HS6ST2: variants seen among roughly 807,000 people sequenced by gnomAD.
The protein encoded by HS6ST2 is heparan sulfate 6-O-sulfotransferase 2.
In HS6ST2, 17 loss-of-function variants were observed where a neutral mutation model predicts 33.0. The ratio of observed to expected loss-of-function variants is 0.52; its 90% CI spans 0.35 to 0.77. HS6ST2 has a LOEUF of 0.77. Ranked by LOEUF, HS6ST2 falls within the 30% of genes least tolerant of loss-of-function variation. HS6ST2 has a pLI of 0.01. For missense variants in HS6ST2, 519 were observed against 551.7 expected, an observed-to-expected ratio of 0.94 and a Z score of 0.59; for synonymous variants, 248 against 237.1, an observed-to-expected ratio of 1.05 and a Z score of -0.42.
intron 2 of HS6ST2, among the ~76,000 whole-genome samples, chrX:132,805,308 T>C (rs1350413432): frequency 9.0e-6 from 1 of 111,631 alleles, no homozygotes; most frequent in Non-Finnish European, 1.9e-5. Flanking sequence ...AGTACATCTC[T>C]CCTTAAGACC....
chrX:132,842,116 A>G (rs2065712642), intron 2 of HS6ST2, among the ~76,000 whole-genome samples: 1 of 111,885 alleles, frequency 8.9e-6, no homozygotes, highest in Non-Finnish European at 1.9e-5. Flanking sequence ...CGGTCACTAC[A>G]TCAGCTAGTT....
chrX:132,864,055 C>T (rs1476959961), intron 2 of HS6ST2, among the ~76,000 whole-genome samples: 1 of 110,833 alleles, frequency 9.0e-6, no homozygotes, highest in Non-Finnish European at 1.9e-5. Flanking sequence ...ATAGCATCAA[C>T]ATCAACAAAA....
At chrX:132,722,187 C>CAAAAAA (rs1217492848) in intron 2 of HS6ST2, among the ~76,000 whole-genome samples, 10 of 44,270 alleles carry the variant, frequency 2.3e-4, no homozygotes, top group East Asian at 7.3e-4. Context: ...GACTCCGTCT[C>CAAAAAA]AAAAAAAAAA....
intron 4 of HS6ST2, among the ~76,000 whole-genome samples, chrX:132,659,859 G>A (rs1206069922): frequency 8.9e-6 from 1 of 111,874 alleles, no homozygotes; most frequent in African/African-American, 3.2e-5. Flanking sequence ...ATCTCGCACA[G>A]TGTTGGACAC....
chrX:132,737,365 T>A (rs1449616790), intron 2 of HS6ST2, among the ~76,000 whole-genome samples: 2 of 111,778 alleles, frequency 1.8e-5, no homozygotes, highest in Non-Finnish European at 3.8e-5. Context: ...TGGGAAGGGA[T>A]GTGCACTGCT....
intron 2 of HS6ST2, among the ~76,000 whole-genome samples, chrX:132,856,492 G>A (rs917990371): frequency 9.0e-6 from 1 of 111,628 alleles, no homozygotes; most frequent in Non-Finnish European, 1.9e-5. Context: ...ATGATCACTG[G>A]ATTGCAAACA....
At chrX:132,916,550 C>T (rs188590818) in intron 2 of HS6ST2, among the ~76,000 whole-genome samples, 160 of 111,902 alleles carry the variant, frequency 1.4e-3, no homozygotes, top group African/African-American at 4.9e-3. Context: ...TGGGTAGACC[C>T]ACCCTCAATC....
intron 2 of HS6ST2, among the ~76,000 whole-genome samples, chrX:132,855,705 C>A (rs1017862978): frequency 8.9e-6 from 1 of 112,124 alleles, no homozygotes; most frequent in African/African-American, 3.2e-5. Flanking sequence ...TGTGTTTAAT[C>A]CTCTACTCCC....
rs7883299 is a variant in HS6ST2 at position 132,679,134 on chromosome X, G to A, written c.981-9935C>T. Among the ~76,000 whole-genome samples the A allele has an allele frequency of 5.0e-3, 566 of 112,339 alleles. 3 individuals are homozygous for A. Among genetic ancestry groups the A allele is most frequent in the African/African-American group, 0.017 (530 of 30,918 alleles). On this transcript the variant is annotated intron_variant, in intron 3 of 4. Coordinates refer to ENST00000370833, the MANE Select transcript of HS6ST2 (RefSeq NM_001394073.1). Reference sequence around the variant, plus strand: ...TAGCAGACAGGGCCATAGCCACCACGGAGTACAGAACAAGGCCAGAAGGTG... The same window carrying A: ...TAGCAGACAGGGCCATAGCCACCACAGAGTACAGAACAAGGCCAGAAGGTG...
intron 2 of HS6ST2, among the ~76,000 whole-genome samples, chrX:132,730,494 T>C (rs756336718): frequency 1.1e-4 from 12 of 112,306 alleles, no homozygotes; most frequent in Non-Finnish European, 2.1e-4. Context: ...CGAGAACATC[T>C]TGATAAGCAG....
Position 132,912,051 on chromosome X carries a change from C to T in HS6ST2, c.947+44757G>A, listed in dbSNP as rs774558530. ...GAATCAGACAAACACTGGCTACTGC[C>T]GCTCACTAGTGTAGCCTGGGGCAAA... On this transcript the variant is annotated intron_variant, in intron 2 of 4. Coordinates refer to ENST00000370833, the MANE Select transcript of HS6ST2 (RefSeq NM_001394073.1). Among the ~76,000 whole-genome samples, 5 of 112,358 alleles carry T rather than the reference C, an allele frequency of 4.5e-5. No homozygotes were observed. The East Asian group carries it at 8.4e-4, about 19-fold the overall frequency.
intron 2 of HS6ST2, among the ~76,000 whole-genome samples, chrX:132,737,805 C>T (rs2064523403): frequency 8.9e-6 from 1 of 112,438 alleles, no homozygotes; most frequent in African/African-American, 3.2e-5. Context: ...CAGGCAAGTG[C>T]CCGCTGCAGC....
chrX:132,889,074 C>G (rs1229255810), intron 2 of HS6ST2, among the ~76,000 whole-genome samples: 1 of 110,657 alleles, frequency 9.0e-6, no homozygotes, highest in Non-Finnish European at 1.9e-5. Context: ...ATTTCAGCGT[C>G]TAAGTCTCAT....
At chrX:132,754,517 C>T (rs5977745) in intron 2 of HS6ST2, among the ~76,000 whole-genome samples, 1,565 of 108,062 alleles carry the variant, frequency 0.014, 38 homozygotes, top group African/African-American at 0.051. Flanking sequence ...CCCTGGTTCA[C>T]GCCATTCTCC....
At chrX:132,881,447 A>G (rs1309228740) in intron 2 of HS6ST2, among the ~76,000 whole-genome samples, 2 of 106,249 alleles carry the variant, frequency 1.9e-5, no homozygotes, top group Non-Finnish European at 1.9e-5. Context: ...GTCTGTTCAT[A>G]TACTTTGCCT....
chrX:132,747,587 T>C (rs1228737019), intron 2 of HS6ST2, among the ~76,000 whole-genome samples: 3 of 110,433 alleles, frequency 2.7e-5, no homozygotes, highest in African/African-American at 6.6e-5. Flanking sequence ...CTTGGCTCTA[T>C]CTCCATGGCT....
intron 2 of HS6ST2, among the ~76,000 whole-genome samples, chrX:132,748,253 ATTTC>A (rs2064666247): frequency 9.0e-6 from 1 of 111,502 alleles, no homozygotes; most frequent in Non-Finnish European, 1.9e-5. Flanking sequence ...GGACCCTTTG[ATTTC>A]TTTCTTTCTT....
At chrX:132,750,295 T>C (rs1175058984) in intron 2 of HS6ST2, among the ~76,000 whole-genome samples, 1 of 107,406 alleles carries the variant, frequency 9.3e-6, no homozygotes, top group Non-Finnish European at 1.9e-5. Context: ...TGACTTGAAT[T>C]TTTGGAGGAA....
chrX:132,898,381 T>TTTTATA (rs368130066), intron 2 of HS6ST2, among the ~76,000 whole-genome samples: 16 of 89,199 alleles, frequency 1.8e-4, no homozygotes, highest in Non-Finnish European at 3.1e-4. Context: ...CAACATAAGG[T>TTTTATA]TATATATATA....
Sources: gnomAD v4.1 joint callset for allele counts (sites outside exome capture counted in the v4.1 genomes callset) on GRCh38, gnomAD v4.1.1 for gene constraint, MANE v1.5 for transcripts, NCBI Gene and HGNC (gene_info 2026-07-23, HGNC 2026-07-21) for gene names.